Variants in NR4A3 observed in about 807,000 individuals in gnomAD.
The protein encoded by NR4A3 is nuclear receptor subfamily 4 group A member 3.
Under a neutral mutation model 55.6 loss-of-function variants are expected in NR4A3, and 13 were observed. That is an observed-to-expected ratio of 0.23 (90% confidence interval 0.15 to 0.37). The LOEUF (loss-of-function observed/expected upper bound fraction) is 0.37, where lower values mean the gene tolerates loss of function less well. Among genes scored for constraint, NR4A3 ranks in the 10% least tolerant of loss-of-function variants. NR4A3 has a pLI of 1.00. For missense variants in NR4A3, 646 were observed against 822.8 expected, an observed-to-expected ratio of 0.79 and a Z score of 2.63; for synonymous variants, 342 against 357.9, an observed-to-expected ratio of 0.96 and a Z score of 0.50.
At chr9:99,857,411 CT>C (rs1827945984) in intron 7 of NR4A3, among the ~76,000 whole-genome samples, 1 of 152,154 alleles carries the variant, frequency 6.6e-6, no homozygotes, top group African/African-American at 2.4e-5. Context: ...AACTCGTTTA[CT>C]TCTCATAACA....
chr9:99,853,400 C>T lies in NR4A3; in HGVS notation c.1633+5785C>T, dbSNP rs1259670348. On this transcript the variant is annotated intron_variant, in intron 7 of 7. Coordinates refer to ENST00000395097, the MANE Select transcript of NR4A3 (RefSeq NM_006981.4). ...TGTGCAGGTTAGTTACATATGTATA[C>T]ATGTGCCATGCTGGTGCGCTGCACC... Among the ~76,000 whole-genome samples, 5 of 117,088 alleles carry T rather than the reference C, an allele frequency of 4.3e-5. No individual in the cohort carries two copies. The East Asian group carries it at 1.0e-3, about 23-fold the overall frequency. 76.8% of individuals were successfully genotyped at this position (117,088 alleles called of 152,430 possible).
rs903236641 is a variant in NR4A3, at chr9:99,853,312, A to C, written c.1633+5697A>C. ...TGCAACTGAATATACACATTGTGTT[A>C]GGGAATTTCTTTTTTTTTTTTTTTT... On this transcript the variant is annotated intron_variant, in intron 7 of 7. Coordinates refer to ENST00000395097, the MANE Select transcript of NR4A3 (RefSeq NM_006981.4). 2.9e-5 allele frequency among the ~76,000 whole-genome samples: 4 copies of C among 139,380 alleles called. No individual in the cohort carries two copies. In the South Asian group the frequency reaches 9.3e-4, roughly 32 times the overall value. 91.4% of individuals were successfully genotyped at this position (139,380 alleles called of 152,430 possible).
chr9:99,823,849 T>C (rs942225016), intron 1 of NR4A3, among the ~76,000 whole-genome samples: 2 of 151,134 alleles, frequency 1.3e-5, no homozygotes, highest in African/African-American at 4.9e-5. Context: ...AGTCTTTCCC[T>C]TTCTGTCAGT....
intron 5 of NR4A3, chr9:99,833,925 C>T: frequency 8.4e-7 from 1 of 1,187,564 alleles, no homozygotes; most frequent in South Asian, 2.2e-5. Context: ...GAGAAGCGAG[C>T]TCTGGCTGTG....
At chr9:99,826,906 G>GA in intron 2 of NR4A3, 1 of 1,191,278 alleles carries the variant, frequency 8.4e-7, no homozygotes, top group Non-Finnish European at 1.2e-6. Context: ...GTTTTCCTTT[G>GA]GCTCAGAAAA....
intron 5 of NR4A3, among the ~76,000 whole-genome samples, chr9:99,835,991 T>C (rs1827553271): frequency 6.6e-6 from 1 of 152,198 alleles, no homozygotes; most frequent in Non-Finnish European, 1.5e-5. Context: ...ACCTCATAAC[T>C]TGGATTCCCC....
rs769368262 is a variant in NR4A3, at chr9:99,847,524, C to T, written c.1542C>T (p.Leu514=). 10 of 1,614,016 alleles carry T rather than the reference C, an allele frequency of 6.2e-6. No individual in the cohort carries two copies. The highest frequency in any genetic ancestry group is 3.3e-5 in the Admixed American group (2 of 60,002). Residue 514 remains leucine, a synonymous_variant, in exon 7 of 8, where the codon CTC becomes CTT. Coordinates refer to ENST00000395097, the MANE Select transcript of NR4A3 (RefSeq NM_006981.4). ...LQCLRGFGEW[L]DSIKDFSLNL... ...GCCTTCGTGGATTTGGGGAGTGGCT[C>T]GACTCTATTAAAGACTTTTCCTTAA...
In NR4A3 at chr9:99,833,337, G is replaced by A. The variant is rs1329934978; in HGVS notation, c.1137G>A (p.Lys379=). The change falls in exon 5 of 8, where the codon AAG becomes AAA. Residue 379 remains lysine, a synonymous_variant. Coordinates refer to ENST00000395097, the MANE Select transcript of NR4A3 (RefSeq NM_006981.4). ...GRRGRLPSKP[K]SPLQQEPSQP... ...GAGGTCGTCTGCCTTCCAAACCAAA[G>A]AGCCCATTACAACAGGAACCTTCTC... 6.2e-7 allele frequency: 1 copy of A among 1,613,994 alleles called. No homozygotes were observed. Among genetic ancestry groups the A allele is most frequent in the South Asian group, 1.1e-5 (1 of 91,076 alleles).
At position 99,828,020 on chromosome 9, in the gene NR4A3, C is replaced by T. The variant is rs1159492004; in HGVS notation, c.-2-21C>T. 2 of 1,597,428 alleles carry T rather than the reference C, an allele frequency of 1.3e-6. No individual in the cohort carries two copies. Among genetic ancestry groups the T allele is most frequent in the African/African-American group, 2.7e-5 (2 of 74,530 alleles). ...CAAGTGTTAACTTGCTTCTGAGAGA[C>T]CCTTTTCTCTGTCCCTGCAGATATG... On this transcript the variant is annotated intron_variant, in intron 2 of 7. Coordinates refer to ENST00000395097, the MANE Select transcript of NR4A3 (RefSeq NM_006981.4). The surrounding 1 kb of genome is among the most constrained non-coding windows in gnomAD (Gnocchi z 7.7).
At chr9:99,852,190 A>G (rs971924364) in intron 7 of NR4A3, among the ~76,000 whole-genome samples, 6 of 152,218 alleles carry the variant, frequency 3.9e-5, no homozygotes, top group African/African-American at 1.2e-4. Context: ...GACATAAAGA[A>G]CATTCCAGAT....
Position 99,828,539 on chromosome 9 carries a change from G to C in NR4A3, c.497G>C (p.Cys166Ser). 1 of 1,563,810 alleles carries C rather than the reference G, an allele frequency of 6.4e-7. No individual in the cohort carries two copies. Among genetic ancestry groups the C allele is most frequent in the Non-Finnish European group, 8.6e-7 (1 of 1,162,080 alleles). Reference sequence around the variant, plus strand: ...GAGGCACTGCCCTCGGCGCCCGGCTGCATCGCACCCGGCCCGCTGCTGGAC... The same window carrying C: ...GAGGCACTGCCCTCGGCGCCCGGCTCCATCGCACCCGGCCCGCTGCTGGAC... ...WDEALPSAPG[C>S]IAPGPLLDPP... The change falls in exon 3 of 8, where the codon TGC becomes TCC. Residue 166 changes from cysteine (C) to serine (S), a missense_variant. Coordinates refer to ENST00000395097, the MANE Select transcript of NR4A3 (RefSeq NM_006981.4). This position sits in a 1 kb window ranked among gnomAD's most constrained non-coding sequence, Gnocchi z 7.7.
intron 7 of NR4A3, among the ~76,000 whole-genome samples, chr9:99,860,491 G>A (rs759906590): frequency 1.4e-4 from 21 of 152,128 alleles, no homozygotes; most frequent in Non-Finnish European, 2.8e-4. Context: ...GGCTATGAAC[G>A]ATTTATAGCT....
At position 99,828,991 on chromosome 9, in the gene NR4A3, A is replaced by AAGGTG. The variant is rs1827382990; in HGVS notation, c.951+1_951+5dup. ...CTGCGAGGGCTGCAAGGGCTTTTTCAAGGTGAGCGCACGCCGCCCCCTCCC... is the reference window on the plus strand; with the variant it reads ...CTGCGAGGGCTGCAAGGGCTTTTTCAAGGTGAGGTGAGCGCACGCCGCCCCCTCCC... On this transcript the variant is annotated frameshift_variant and splice_region_variant, in exon 3 of 8. Transcript: ENST00000395097. LOFTEE classifies it high-confidence loss of function. This position sits in a 1 kb window ranked among gnomAD's most constrained non-coding sequence, Gnocchi z 7.7. 2.2e-6 allele frequency: 3 copies of AAGGTG among 1,358,008 alleles called. No individual in the cohort carries two copies. Among genetic ancestry groups the AAGGTG allele is most frequent in the South Asian group, 3.6e-5 (2 of 55,064 alleles). The allele number at this position is 1,358,008 out of a possible 1,614,324, so 84.1% of individuals were successfully genotyped here.
Position 99,825,885 on chromosome 9 carries a change from G to T in NR4A3, c.-3+53G>T. On this transcript the variant is annotated intron_variant, in intron 2 of 7. Coordinates refer to ENST00000395097, the MANE Select transcript of NR4A3 (RefSeq NM_006981.4). This position sits in a 1 kb window ranked among gnomAD's most constrained non-coding sequence, Gnocchi z 5.0. ...CCTCCCTGGCTGAGGGAAGTGGGTG[G>T]GGGAACCACACACTCGGCGGGCAGC... 5.6e-6 allele frequency: 1 copy of T among 179,964 alleles called. No homozygotes were observed. The highest frequency in any genetic ancestry group is 1.2e-5 in the Non-Finnish European group (1 of 83,780). 11.1% of individuals were successfully genotyped at this position (179,964 alleles called of 1,614,324 possible). A position where few individuals can be genotyped will look rare whatever the true frequency, so the allele number is the denominator to read the frequency against.
At chr9:99,863,354 A>C (rs777882636) in intron 7 of NR4A3, among the ~76,000 whole-genome samples, 21 of 152,104 alleles carry the variant, frequency 1.4e-4, no homozygotes, top group Admixed American at 1.4e-3. Context: ...GGGTATGATC[A>C]TTTTCTTCAT....
chr9:99,840,486 T>A (rs1164950436), intron 5 of NR4A3, among the ~76,000 whole-genome samples: 2 of 152,228 alleles, frequency 1.3e-5, no homozygotes, highest in East Asian at 3.8e-4. Context: ...CTTTAGTCTT[T>A]TTCTCTCTCC....
At chr9:99,833,655 C>A (rs1827491850) in intron 5 of NR4A3, 1 of 1,590,478 alleles carries the variant, frequency 6.3e-7, no homozygotes, top group Middle Eastern at 1.8e-4. Context: ...TCTCTAAATG[C>A]CTTAACAAGT....
rs1453963455 is a variant in NR4A3, at chr9:99,864,077, T to C, written c.*210T>C. 3.9e-6 allele frequency: 2 copies of C among 513,108 alleles called. No homozygotes were observed. The highest frequency in any genetic ancestry group is 6.8e-6 in the Non-Finnish European group (2 of 293,650). The allele number at this position is 513,108 out of a possible 1,614,324, so 31.8% of individuals were successfully genotyped here. A position where few individuals can be genotyped will look rare whatever the true frequency, so the allele number is the denominator to read the frequency against. On this transcript the variant is annotated 3_prime_UTR_variant, in exon 8 of 8. Transcript: ENST00000395097. ...AGAGTATTGTGTTGGGGTTGTGTTTTATATTTAGGCATTGGGGGATGGGGT... is the reference window on the plus strand; with the variant it reads ...AGAGTATTGTGTTGGGGTTGTGTTTCATATTTAGGCATTGGGGGATGGGGT...
intron 7 of NR4A3, among the ~76,000 whole-genome samples, chr9:99,848,296 A>G (rs1164025154): frequency 2.0e-5 from 3 of 152,238 alleles, no homozygotes; most frequent in Non-Finnish European, 4.4e-5. Flanking sequence ...GGACTGAGAA[A>G]AAGCAAAAAT....
Sources: gnomAD v4.1 joint callset for allele counts (sites outside exome capture counted in the v4.1 genomes callset) on GRCh38, gnomAD v4.1.1 for gene constraint, Gnocchi (gnomAD v3.1) non-coding constraint, MANE v1.5 for transcripts, NCBI Gene and HGNC (gene_info 2026-07-23, HGNC 2026-07-21) for gene names.